Variants in AGAP6 observed in about 807,000 individuals in gnomAD.
AGAP6 encodes the protein arf-GAP with GTPase, ANK repeat and PH domain-containing protein 6.
In AGAP6, 29 loss-of-function variants were observed where a neutral mutation model predicts 63.9. The ratio of observed to expected loss-of-function variants is 0.45; its 90% confidence interval spans 0.34 to 0.62. AGAP6 has a LOEUF of 0.62. AGAP6 is among the 20% of genes least tolerant of loss of function. AGAP6 has a pLI of 0.01. For missense variants in AGAP6, 493 were observed against 884.9 expected, an observed-to-expected ratio of 0.56 and a Z score of 5.62; for synonymous variants, 199 against 332.9, an observed-to-expected ratio of 0.60 and a Z score of 4.38.
intron 5 of AGAP6, 27 bp from the exon 6 acceptor site, chr10:50,004,658 T>C: frequency 8.6e-7 from 1 of 1,167,240 alleles, no homozygotes; most frequent in Non-Finnish European, 1.2e-6. Flanking sequence ...TAACATCTAT[T>C]GTTATGAATT....
intron 5 of AGAP6, among the ~76,000 whole-genome samples, chr10:50,004,196 C>A (rs181333923): frequency 1.3e-5 from 2 of 149,936 alleles, no homozygotes; most frequent in South Asian, 2.1e-4. Context: ...CCCCACCCCC[C>A]CAAAAAAAAA....
chr10:50,006,271 A>C (rs1433619422), intron 6 of AGAP6, among the ~76,000 whole-genome samples: 1 of 152,236 alleles, frequency 6.6e-6, no homozygotes, highest in Non-Finnish European at 1.5e-5. Flanking sequence ...AAGTATTGAA[A>C]AGCTGCCAAG....
chr10:49,992,705 C>T (rs1841327697), intron 3 of AGAP6, among the ~76,000 whole-genome samples: 1 of 151,806 alleles, frequency 6.6e-6, no homozygotes, highest in Non-Finnish European at 1.5e-5. Context: ...AAAGGGGAAG[C>T]AGGTGGTTCC....
At chr10:49,996,069 A>C (rs1411088853) in intron 4 of AGAP6, among the ~76,000 whole-genome samples, 1 of 151,500 alleles carries the variant, frequency 6.6e-6, no homozygotes, top group Non-Finnish European at 1.5e-5. Context: ...TTTTTTACTG[A>C]TAGTCTTGTT....
chr10:50,008,319 T>G lies in AGAP6; in HGVS notation c.585+243T>G, dbSNP rs1291824270. Among the ~76,000 whole-genome samples, 7 of 140,846 alleles carry G rather than the reference T, an allele frequency of 5.0e-5. No individual in the cohort carries two copies. The South Asian group carries it at 6.6e-4, about 13-fold the overall frequency. 92.4% of individuals were successfully genotyped at this position (140,846 alleles called of 152,430 possible). A position where few individuals can be genotyped will look rare whatever the true frequency, so the allele number is the denominator to read the frequency against. ...GTATCTTTTTTTTTTTTTTTTTTTT[T>G]ATGGACTCTCTTTCTGTAGCCCAGG... On this transcript the variant is annotated intron_variant, in intron 7 of 7. Coordinates refer to ENST00000412531, the MANE Select transcript of AGAP6 (RefSeq NM_001077665.3).
chr10:49,993,492 A>G (rs1554861463), intron 3 of AGAP6, among the ~76,000 whole-genome samples: 1 of 152,086 alleles, frequency 6.6e-6, no homozygotes, highest in Admixed American at 6.5e-5. Flanking sequence ...TGCAGACACC[A>G]TGTCCAATTA....
chr10:49,989,912 A>G (rs1554860483), intron 2 of AGAP6, among the ~76,000 whole-genome samples: 2 of 152,162 alleles, frequency 1.3e-5, no homozygotes, highest in African/African-American at 4.8e-5. Context: ...GTGTCTCCAG[A>G]TTTATTCTGG....
intron 7 of AGAP6, chr10:50,008,504 G>T (rs1841996590): frequency 2.0e-6 from 1 of 504,636 alleles, no homozygotes. Context: ...GTAAAGACAG[G>T]GTTTCACCAT....
chr10:50,006,543 T>C (rs1354570058), intron 6 of AGAP6, among the ~76,000 whole-genome samples: 1 of 152,174 alleles, frequency 6.6e-6, no homozygotes, highest in African/African-American at 2.4e-5. Flanking sequence ...CCAGGCTAAT[T>C]TTCTTATATG....
chr10:50,004,227 A>G (rs574653952), intron 5 of AGAP6, among the ~76,000 whole-genome samples: 323 of 145,340 alleles, frequency 2.2e-3, no homozygotes, highest in Non-Finnish European at 3.7e-3. Context: ...ATAGTGGCGC[A>G]AACTTGTAGT....
chr10:50,005,056 T>G (rs1841861919), intron 6 of AGAP6, among the ~76,000 whole-genome samples: 1 of 152,184 alleles, frequency 6.6e-6, no homozygotes, highest in Non-Finnish European at 1.5e-5. Context: ...AGGACTGTCT[T>G]GTGCATTGCA....
At chr10:49,990,417 C>G (rs1841223531) in intron 2 of AGAP6, among the ~76,000 whole-genome samples, 1 of 152,182 alleles carries the variant, frequency 6.6e-6, no homozygotes, top group Non-Finnish European at 1.5e-5. Flanking sequence ...TGCACTCCAG[C>G]CTGGGTGACA....
At chr10:49,995,527 T>C (rs1379877307) in intron 4 of AGAP6, among the ~76,000 whole-genome samples, 1 of 152,226 alleles carries the variant, frequency 6.6e-6, no homozygotes, top group African/African-American at 2.4e-5. Context: ...CACATCTGTT[T>C]CTTTTTATGT....
chr10:50,000,021 G>T (rs1291511705), intron 4 of AGAP6, among the ~76,000 whole-genome samples: 1 of 130,490 alleles, frequency 7.7e-6, no homozygotes, highest in African/African-American at 3.0e-5. Context: ...GTGGGCATCC[G>T]CATCCAATGG....
At chr10:49,996,804 A>G (rs1184882409) in intron 4 of AGAP6, among the ~76,000 whole-genome samples, 13 of 151,654 alleles carry the variant, frequency 8.6e-5, no homozygotes, top group Admixed American at 6.6e-4. Flanking sequence ...TAAGTTCACA[A>G]CCTGCCTTTA....
At chr10:50,007,560 C>T (rs868940975) in intron 6 of AGAP6, among the ~76,000 whole-genome samples, 1 of 143,748 alleles carries the variant, frequency 7.0e-6, no homozygotes, top group Non-Finnish European at 1.5e-5. Flanking sequence ...AAAGACTGGC[C>T]TCTTAAAAAG....
At chr10:49,990,735 T>C in intron 2 of AGAP6, among the ~76,000 whole-genome samples, 1 of 152,232 alleles carries the variant, frequency 6.6e-6, no homozygotes, top group Non-Finnish European at 1.5e-5. Flanking sequence ...GTCTTATAGC[T>C]CTTCTATTTA....
chr10:49,989,032 T>G, intron 1 of AGAP6, 94 bp downstream of exon 1: 1 of 1,597,174 alleles, frequency 6.3e-7, no homozygotes. Flanking sequence ...TTCGAGCTCC[T>G]TTCTGCTTGT....
intron 1 of AGAP6, 117 bp downstream of exon 1, chr10:49,989,055 C>G: frequency 6.3e-7 from 1 of 1,588,226 alleles, no homozygotes; most frequent in Non-Finnish European, 8.5e-7. Context: ...CCAGCTTTCC[C>G]GGGGGCTGGC....
Sources: allele counts gnomAD v4.1 joint callset (sites outside exome capture counted in the v4.1 genomes callset), GRCh38; gene constraint gnomAD v4.1.1; transcripts MANE v1.5; gene names NCBI Gene and HGNC (gene_info 2026-07-23, HGNC 2026-07-21).